CNTNAP2: variants seen among roughly 807,000 people sequenced by gnomAD.
CNTNAP2 encodes contactin-associated protein-like 2.
A neutral mutation model predicts 155.2 loss-of-function variants in CNTNAP2; 98 were observed. The observed-to-expected ratio is 0.63, with a 90% CI of 0.54 to 0.75. The LOEUF is 0.75. CNTNAP2 is among the 30% of genes least tolerant of loss of function. CNTNAP2 has a pLI of 0.00. For synonymous variants in CNTNAP2, 651 were observed against 631.2 expected, an observed-to-expected ratio of 1.03 and a Z score of -0.47; for missense variants, 1,727 against 1,688.1, an observed-to-expected ratio of 1.02 and a Z score of -0.40.
rs370554226 is a variant in CNTNAP2, at chr7:148,139,453, C to G, written c.2555-8038C>G. On this transcript the variant is annotated intron_variant, in intron 16 of 23. Transcript: ENST00000361727. ...TCTCAGCCTCAGTTTCCTGACTAATCAGTGAGGGTGGGCTCAGGGGTCGAA... is the reference window on the plus strand; with the variant it reads ...TCTCAGCCTCAGTTTCCTGACTAATGAGTGAGGGTGGGCTCAGGGGTCGAA... Among the ~76,000 whole-genome samples, 15 of 152,314 alleles carry G rather than the reference C, an allele frequency of 9.8e-5. 1 individual carries two copies. The South Asian group carries it at 2.3e-3, about 23-fold the overall frequency.
intron 3 of CNTNAP2, among the ~76,000 whole-genome samples, chr7:146,952,753 A>G (rs1797347402): frequency 6.6e-6 from 1 of 152,268 alleles, no homozygotes; most frequent in Admixed American, 6.5e-5. Flanking sequence ...GGAGAACTAC[A>G]AACCACAGCT....
intron 21 of CNTNAP2, among the ~76,000 whole-genome samples, chr7:148,298,199 T>C (rs1291147731): frequency 6.6e-6 from 1 of 152,142 alleles, no homozygotes; most frequent in Non-Finnish European, 1.5e-5. Flanking sequence ...CTGCCTATTT[T>C]AGAAGGGTAG....
chr7:147,536,383 G>A (rs549516452), intron 11 of CNTNAP2, among the ~76,000 whole-genome samples: 1 of 152,288 alleles, frequency 6.6e-6, no homozygotes, highest in Non-Finnish European at 1.5e-5. Flanking sequence ...AAAAAGAAAA[G>A]TAAATATCAT....
At chr7:146,642,748 T>C (rs969170365) in intron 1 of CNTNAP2, among the ~76,000 whole-genome samples, 1 of 152,120 alleles carries the variant, frequency 6.6e-6, no homozygotes, top group South Asian at 2.1e-4. Flanking sequence ...ACTTCCACAA[T>C]GGTTGAACTA....
chr7:147,302,648 A>G (rs2692183), intron 9 of CNTNAP2, among the ~76,000 whole-genome samples: 46,107 of 152,114 alleles, frequency 0.3, 8,913 homozygotes, highest in East Asian at 0.71. Flanking sequence ...ATACTTAAAA[A>G]CTTCAAGTGA....
At chr7:146,925,739 T>C (rs898747548) in intron 3 of CNTNAP2, among the ~76,000 whole-genome samples, 3 of 152,174 alleles carry the variant, frequency 2.0e-5, no homozygotes, top group African/African-American at 7.2e-5. Context: ...CCTGTTCTTT[T>C]TGATGCTCTG....
At chr7:146,926,531 T>A (rs1390879385) in intron 3 of CNTNAP2, among the ~76,000 whole-genome samples, 1 of 152,158 alleles carries the variant, frequency 6.6e-6, no homozygotes, top group Non-Finnish European at 1.5e-5. Flanking sequence ...CCTCAATAAG[T>A]AGTTGTGGAA....
At position 146,385,046 on chromosome 7, in the gene CNTNAP2, A is replaced by T. The variant is rs938035442; in HGVS notation, c.97+268073A>T. On this transcript the variant is annotated intron_variant, in intron 1 of 23. Coordinates refer to ENST00000361727, the MANE Select transcript of CNTNAP2 (RefSeq NM_014141.6). Reference sequence around the variant, plus strand: ...TATAGTCACTAGACTATACATTGTCAATCAAAGTGGCGCAGCATATACATG... The same window carrying T: ...TATAGTCACTAGACTATACATTGTCTATCAAAGTGGCGCAGCATATACATG... Among the ~76,000 whole-genome samples, 4 of 152,276 alleles carry T rather than the reference A, an allele frequency of 2.6e-5. No individual in the cohort carries two copies. The South Asian group carries it at 8.3e-4, about 32-fold the overall frequency.
At chr7:146,727,684 T>C (rs1375956676) in intron 1 of CNTNAP2, among the ~76,000 whole-genome samples, 1 of 152,228 alleles carries the variant, frequency 6.6e-6, no homozygotes. Context: ...TTTGGTATTA[T>C]GTAAGAACAT....
At chr7:148,245,658 T>G (rs1796248533) in intron 20 of CNTNAP2, among the ~76,000 whole-genome samples, 2 of 152,172 alleles carry the variant, frequency 1.3e-5, no homozygotes, top group Non-Finnish European at 2.9e-5. Context: ...GTTCAAGGTC[T>G]GCAGACTCCC....
At chr7:147,056,473 G>A (rs1027661782) in intron 4 of CNTNAP2, among the ~76,000 whole-genome samples, 5 of 152,142 alleles carry the variant, frequency 3.3e-5, no homozygotes, top group Non-Finnish European at 7.4e-5. Context: ...CCAAAGGACA[G>A]GGACTGAGCT....
intron 1 of CNTNAP2, among the ~76,000 whole-genome samples, chr7:146,428,280 C>A (rs1034369333): frequency 2.6e-5 from 4 of 152,132 alleles, no homozygotes; most frequent in Non-Finnish European, 5.9e-5. Context: ...ACTGCTGGGT[C>A]AAATGGTATT....
chr7:148,079,790 G>A (rs934546273), intron 15 of CNTNAP2, among the ~76,000 whole-genome samples: 4 of 152,164 alleles, frequency 2.6e-5, no homozygotes, highest in Admixed American at 2.6e-4. Context: ...CTCTATTAAT[G>A]TTAATGCTGG....
chr7:148,338,182 AC>A (rs1348343881), intron 21 of CNTNAP2, among the ~76,000 whole-genome samples: 1 of 152,176 alleles, frequency 6.6e-6, no homozygotes, highest in African/African-American at 2.4e-5. Flanking sequence ...ATAAATGGAG[AC>A]ATACAATATG....
At chr7:146,447,443 T>A (rs1008990421) in intron 1 of CNTNAP2, among the ~76,000 whole-genome samples, 1 of 152,118 alleles carries the variant, frequency 6.6e-6, no homozygotes, top group Non-Finnish European at 1.5e-5. Context: ...TCACCTATTA[T>A]GTTATATTTA....
chr7:146,759,911 G>A (rs768040919), intron 1 of CNTNAP2, among the ~76,000 whole-genome samples: 10 of 152,144 alleles, frequency 6.6e-5, no homozygotes, highest in Middle Eastern at 6.8e-3. Flanking sequence ...GAGAAAGGAC[G>A]TTTAGTAATT....
intron 1 of CNTNAP2, among the ~76,000 whole-genome samples, chr7:146,219,288 G>T (rs1439622773): frequency 6.6e-6 from 1 of 152,152 alleles, no homozygotes; most frequent in Admixed American, 6.5e-5. Flanking sequence ...ATATCAGTAA[G>T]CTAATGAATA....
intron 15 of CNTNAP2, among the ~76,000 whole-genome samples, chr7:148,050,992 G>A (rs1802879178): frequency 6.6e-6 from 1 of 152,130 alleles, no homozygotes; most frequent in Non-Finnish European, 1.5e-5. Flanking sequence ...CAACAAAATT[G>A]CCTAGAGACA....
chr7:147,104,363 A>G (rs1800715086), intron 4 of CNTNAP2, among the ~76,000 whole-genome samples: 1 of 152,058 alleles, frequency 6.6e-6, no homozygotes. Context: ...AAAAATGTAC[A>G]GTAACAAAAA....
Sources: allele counts gnomAD v4.1 joint callset (sites outside exome capture counted in the v4.1 genomes callset), GRCh38; gene constraint gnomAD v4.1.1; transcripts MANE v1.5; gene names NCBI Gene and HGNC (gene_info 2026-07-23, HGNC 2026-07-21).